MPRIP: variants seen among roughly 807,000 people sequenced by gnomAD.
MPRIP encodes myosin phosphatase Rho-interacting protein.
In MPRIP, 59 loss-of-function variants were observed where a neutral mutation model predicts 234.9. That is an observed-to-expected ratio of 0.25 (90% CI 0.20 to 0.31). The LOEUF (loss-of-function observed/expected upper bound fraction) is 0.31, where lower values mean the gene tolerates loss of function less well. Ranked by LOEUF, MPRIP falls within the 10% of genes least tolerant of loss-of-function variation. The pLI is 1.00. For missense variants in MPRIP, 2,436 were observed against 3,071.0 expected (o/e 0.79, Z 4.89); for synonymous variants, 1,144 against 1,263.9 (o/e 0.91, Z 2.01).
rs951033420 is a variant in MPRIP at position 17,057,480 on chromosome 17, G to C, written c.123+14509G>C. On this transcript the variant is annotated intron_variant, in intron 1 of 23. Transcript: ENST00000651222. ...AAGGCTGGAGACCCCAGGGAGACGC[G>C]GTGCCTTCCCAGTGCTAGGTGCTGG... 2.6e-5 allele frequency among the ~76,000 whole-genome samples: 4 copies of C among 152,310 alleles called. No individual in the cohort carries two copies. The East Asian group carries it at 7.7e-4, about 29-fold the overall frequency.
intron 1 of MPRIP, among the ~76,000 whole-genome samples, chr17:17,069,823 C>A (rs886886238): frequency 2.0e-5 from 3 of 152,110 alleles, no homozygotes; most frequent in Admixed American, 2.0e-4. Flanking sequence ...TATTTACCCC[C>A]TCCCTCCCTT....
At chr17:17,182,556 C>T (rs758233087) in intron 23 of MPRIP, 1 of 152,334 alleles carries the variant, frequency 6.6e-6, no homozygotes, top group African/African-American at 2.4e-5. Context: ...ATCCAGAGGA[C>T]GTAGAGAGAG....
chr17:17,100,627 A>AT (rs2089941689), intron 3 of MPRIP, among the ~76,000 whole-genome samples: 1 of 152,018 alleles, frequency 6.6e-6, no homozygotes, highest in Non-Finnish European at 1.5e-5. Context: ...TGAACTGCAC[A>AT]TGCAAGGGGT....
Position 17,172,747 on chromosome 17 carries a change from G to A in MPRIP, c.6522G>A (p.Leu2174=). 4 of 1,612,250 alleles carry A rather than the reference G, an allele frequency of 2.5e-6. No individual in the cohort carries two copies. The highest frequency in any genetic ancestry group is 1.3e-5 in the African/African-American group (1 of 75,046). The change falls in exon 18 of 24, where the codon CTG becomes CTA. Residue 2174 remains leucine (L), a synonymous_variant. Coordinates refer to ENST00000651222, the MANE Select transcript of MPRIP (RefSeq NM_001364716.4). ...ACCGGGAGGAAATGGAGCGGGAGCT[G>A]GAGAAGAGCCAGCGGTCCCAGATCA... The part of the protein sequence containing the change: ...NAHREEMERE[L]EKSQRSQISS...
intron 15 of MPRIP, among the ~76,000 whole-genome samples, chr17:17,163,853 T>G (rs1035803228): frequency 6.6e-6 from 1 of 151,496 alleles, no homozygotes; most frequent in African/African-American, 2.4e-5. Context: ...TTATTTCTCC[T>G]AGAAGCTGTT....
intron 13 of MPRIP, among the ~76,000 whole-genome samples, 154 bp downstream of exon 13, chr17:17,154,569 TTCCTG>T: frequency 6.6e-6 from 1 of 152,378 alleles, no homozygotes; most frequent in East Asian, 1.9e-4. Flanking sequence ...GTTGCTCAGG[TTCCTG>T]TCCCAAGTAA....
chr17:17,059,963 G>A (rs1383806536), intron 1 of MPRIP, among the ~76,000 whole-genome samples: 1 of 152,220 alleles, frequency 6.6e-6, no homozygotes, highest in Non-Finnish European at 1.5e-5. Context: ...GCACCTTACT[G>A]ATGAGGCTCT....
intron 11 of MPRIP, among the ~76,000 whole-genome samples, chr17:17,149,458 A>C (rs2045549443): frequency 6.6e-6 from 1 of 151,766 alleles, no homozygotes; most frequent in Non-Finnish European, 1.5e-5. Flanking sequence ...GTGTCACTGC[A>C]CTTCAGCCTG....
chr17:17,176,942 G>A (rs577779222), intron 21 of MPRIP, among the ~76,000 whole-genome samples: 2 of 152,204 alleles, frequency 1.3e-5, no homozygotes, highest in Admixed American at 1.3e-4. Context: ...CCAGGCTGAA[G>A]CCCACAAGGG....
chr17:17,063,946 G>A lies in MPRIP; in HGVS notation c.124-11764G>A, dbSNP rs546152274. ...AGTTGGGCAACCCAGAGTTGAGACA[G>A]CTGGGTTCATCCTGGCATGCATCCC... On this transcript the variant is annotated intron_variant, in intron 1 of 23. Coordinates refer to ENST00000651222, the MANE Select transcript of MPRIP (RefSeq NM_001364716.4). Among the ~76,000 whole-genome samples, 18 of 152,350 alleles carry A rather than the reference G, an allele frequency of 1.2e-4. No homozygotes were observed. In the South Asian group the frequency reaches 2.7e-3, roughly 23 times the overall value.
chr17:17,174,148 G>A (rs1215964456), intron 19 of MPRIP, 73 bp downstream of exon 19: 2 of 1,535,496 alleles, frequency 1.3e-6, no homozygotes, highest in Non-Finnish European at 1.8e-6. Flanking sequence ...AGTCAGGTGA[G>A]TCCACACTGG....
At chr17:17,046,697 CTATAAGTGCTTTA>C in intron 1 of MPRIP, among the ~76,000 whole-genome samples, 1 of 152,240 alleles carries the variant, frequency 6.6e-6, no homozygotes, top group Middle Eastern at 3.4e-3. Context: ...TAGGAGCTTT[CTATAAGTGCTTTA>C]GGTCAGGGGT....
rs1567699696 is a variant in MPRIP, at chr17:17,078,120, A to G, written c.267+44A>G. 7 of 1,600,124 alleles carry G rather than the reference A, an allele frequency of 4.4e-6. No homozygotes were observed. In the South Asian group the frequency reaches 5.5e-5, roughly 13 times the overall value. ...CACTCCCTGTCCCCAGCCTTCACCA[A>G]GTCCCTCCATTACAGTGCCCTTGCG... On this transcript the variant is annotated intron_variant, in intron 3 of 23. Coordinates refer to ENST00000651222, the MANE Select transcript of MPRIP (RefSeq NM_001364716.4). The surrounding 1 kb of genome is among the most constrained non-coding windows in gnomAD (Gnocchi z 4.3).
intron 1 of MPRIP, among the ~76,000 whole-genome samples, chr17:17,050,187 C>T (rs1240276895): frequency 1.3e-5 from 2 of 151,906 alleles, no homozygotes; most frequent in South Asian, 2.1e-4. Flanking sequence ...TGGTGGTGGG[C>T]GCCTGTAGTC....
At chr17:17,094,988 C>T (rs554733740) in intron 3 of MPRIP, among the ~76,000 whole-genome samples, 2 of 152,188 alleles carry the variant, frequency 1.3e-5, no homozygotes, top group Admixed American at 6.5e-5. Context: ...CCTTCTGACT[C>T]GATTCTCTAA....
intron 10 of MPRIP, 85 bp downstream of exon 10, chr17:17,146,177 G>A (rs564929293): frequency 8.0e-7 from 1 of 1,253,324 alleles, no homozygotes; most frequent in Non-Finnish European, 1.2e-6. Flanking sequence ...CAGTCTGCAA[G>A]TGCTGGCTCC....
intron 15 of MPRIP, among the ~76,000 whole-genome samples, chr17:17,163,173 G>A (rs977132799): frequency 1.3e-5 from 2 of 152,168 alleles, no homozygotes; most frequent in African/African-American, 2.4e-5. Context: ...CTAACTGCTG[G>A]GAGGAGCTTG....
chr17:17,133,656 T>C (rs1040299057), intron 5 of MPRIP, among the ~76,000 whole-genome samples: 4 of 152,200 alleles, frequency 2.6e-5, no homozygotes, highest in African/African-American at 7.2e-5. Flanking sequence ...GCTTCTCCCC[T>C]TAAGGAACTC....
Position 17,167,746 on chromosome 17 carries a change from A to G in MPRIP, c.6155A>G (p.Asn2052Ser), listed in dbSNP as rs1447889766. 1.5e-6 allele frequency: 2 copies of G among 1,303,946 alleles called. No homozygotes were observed. The highest frequency in any genetic ancestry group is 1.5e-5 in the African/African-American group (1 of 65,822). 80.8% of individuals were successfully genotyped at this position (1,303,946 alleles called of 1,614,324 possible). ...AAGGCCCTGCCAGCCCCTGCCCCCA[A>G]CTGGCAGGCCACCCAGGGAGAGGCT... ...HPKALPAPAP[N>S]WQATQGEADS... Residue 2052 changes from asparagine (N) to serine (S), a missense_variant, in exon 16 of 24, where the codon AAC (asparagine) becomes AGC (serine). Asn to Ser is a conservative substitution (Grantham distance 46). Coordinates refer to ENST00000651222, the MANE Select transcript of MPRIP (RefSeq NM_001364716.4). This position sits in a 1 kb window ranked among gnomAD's most constrained non-coding sequence, Gnocchi z 5.9.
Sources: allele counts gnomAD v4.1 joint callset (sites outside exome capture counted in the v4.1 genomes callset), GRCh38; gene constraint gnomAD v4.1.1; non-coding constraint Gnocchi (gnomAD v3.1); transcripts MANE v1.5; gene names NCBI Gene and HGNC (gene_info 2026-07-23, HGNC 2026-07-21).